Variants in FAH observed in about 807,000 individuals in gnomAD.
FAH encodes the protein fumarylacetoacetase.
FAH carries 47 observed loss-of-function variants against 55.8 expected under a neutral mutation model. That is an observed-to-expected ratio of 0.84 (90% CI 0.67 to 1.07). The LOEUF (loss-of-function observed/expected upper bound fraction) is 1.07, where lower values mean the gene tolerates loss of function less well. Among genes scored for constraint, FAH ranks in the 50% least tolerant of loss-of-function variants. The pLI, the probability that FAH is intolerant of heterozygous loss-of-function variation, is 0.00. For missense variants in FAH, 495 were observed against 545.9 expected (o/e 0.91, Z 0.93); for synonymous variants, 199 against 207.7 (o/e 0.96, Z 0.36).
rs111397874 is a variant in FAH, at chr15:80,166,722, C to T, written c.456-1330C>T. Among the ~76,000 whole-genome samples the T allele has an allele frequency of 7.0e-3, 1,000 of 143,240 alleles. 15 individuals are homozygous for T. The highest frequency in any genetic ancestry group is 0.024 in the African/African-American group (937 of 38,328). The allele number at this position is 143,240 out of a possible 152,430, so 94.0% of individuals were successfully genotyped here. A position where few individuals can be genotyped will look rare whatever the true frequency, so the allele number is the denominator to read the frequency against. ...CACCATCTCGGCTCACTGCAAGCTT[C>T]GCCTCCCAGGTTCACGCCATTCTCC... On this transcript the variant is annotated intron_variant, in intron 5 of 13. Coordinates refer to ENST00000561421, the MANE Select transcript of FAH (RefSeq NM_000137.4).
At chr15:80,165,711 C>CA (rs746350394) in intron 5 of FAH, among the ~76,000 whole-genome samples, 147 of 127,310 alleles carry the variant, frequency 1.2e-3, no homozygotes, top group South Asian at 4.3e-3. Flanking sequence ...CACCCCCCAC[C>CA]AAAAAAAAAA....
chr15:80,163,089 T>C (rs1350198076), intron 5 of FAH: 1 of 153,686 alleles, frequency 6.5e-6, no homozygotes, highest in East Asian at 1.9e-4. Flanking sequence ...CTCGAGTGAG[T>C]GTCTCCAGTA....
At chr15:80,169,415 T>G (rs1387943723) in intron 7 of FAH, among the ~76,000 whole-genome samples, 1 of 151,860 alleles carries the variant, frequency 6.6e-6, no homozygotes, top group Non-Finnish European at 1.5e-5. Context: ...AACCCAAAAA[T>G]AATAATTACC....
Position 80,177,595 on chromosome 15 carries a change from C to G in FAH, c.960+12C>G. 1 of 1,611,144 alleles carries G rather than the reference C, an allele frequency of 6.2e-7. No homozygotes were observed. The highest frequency in any genetic ancestry group is 1.1e-5 in the South Asian group (1 of 91,020). On this transcript the variant is annotated intron_variant, in intron 11 of 13. Transcript: ENST00000561421. ...AGTCCAATTTTAAGGTAAGCTTTGA[C>G]GCTGATCAGACTGCTTTTTAGAATT...
chr15:80,180,304 G>A (rs549410725), intron 12 of FAH, 79 bp downstream of exon 12: 14 of 1,168,378 alleles, frequency 1.2e-5, no homozygotes, highest in Non-Finnish European at 1.8e-5. Flanking sequence ...CCTCAGCTCA[G>A]CCTCGAGAAG....
At chr15:80,165,451 C>T (rs1220996735) in intron 5 of FAH, among the ~76,000 whole-genome samples, 3 of 151,584 alleles carry the variant, frequency 2.0e-5, no homozygotes, top group African/African-American at 4.9e-5. Flanking sequence ...TCACTTGAAC[C>T]TGGGAGGCGG....
At chr15:80,163,075 C>T (rs1310874400) in intron 5 of FAH, 1 of 154,102 alleles carries the variant, frequency 6.5e-6, no homozygotes, top group Non-Finnish European at 1.4e-5. Flanking sequence ...GGGCTTTACT[C>T]TCTCTCGAGT....
intron 10 of FAH, 158 bp from the exon 11 acceptor site, chr15:80,177,379 C>A: frequency 1.4e-6 from 1 of 707,640 alleles, no homozygotes; most frequent in Non-Finnish European, 2.5e-6. Flanking sequence ...AACCCTGGAC[C>A]TCCCAGCTCT....
At chr15:80,174,946 G>T (rs1245153601) in intron 9 of FAH, 70 bp from the exon 10 acceptor site, 7 of 1,358,784 alleles carry the variant, frequency 5.2e-6, no homozygotes, top group South Asian at 4.7e-5. Context: ...GGCCTGGCTG[G>T]TATGGGGGCC....
At chr15:80,167,648 C>T (rs938251800) in intron 5 of FAH, among the ~76,000 whole-genome samples, 12 of 151,562 alleles carry the variant, frequency 7.9e-5, no homozygotes, top group Non-Finnish European at 1.8e-4. Flanking sequence ...TCTTCTGCCT[C>T]AGCCTCCCGA....
intron 11 of FAH, among the ~76,000 whole-genome samples, chr15:80,179,613 G>T (rs1011854135): frequency 6.6e-6 from 1 of 152,174 alleles, no homozygotes; most frequent in African/African-American, 2.4e-5. Flanking sequence ...TCCTTGGCCT[G>T]CCCTGACATC....
At position 80,168,362 on chromosome 15, in the gene FAH, G is replaced by T. The variant is rs373558223; in HGVS notation, c.606+46G>T. ...ATTGCCATGGGATCTATAGACACCCGGCAGGAGAGCCCTTTGGGATGGCTC... is the reference window on the plus strand; with the variant it reads ...ATTGCCATGGGATCTATAGACACCCTGCAGGAGAGCCCTTTGGGATGGCTC... On this transcript the variant is annotated intron_variant, in intron 7 of 13. Transcript: ENST00000561421. 2.1e-5 allele frequency: 33 copies of T among 1,600,602 alleles called. No homozygotes were observed. The South Asian group carries it at 3.5e-4, about 17-fold the overall frequency.
chr15:80,172,543 G>A (rs1381905964), intron 8 of FAH, among the ~76,000 whole-genome samples: 1 of 151,936 alleles, frequency 6.6e-6, no homozygotes, highest in African/African-American at 2.4e-5. Context: ...ATATTCTCCC[G>A]CTGATCCCTA....
chr15:80,180,281 C>A, intron 12 of FAH, 56 bp downstream of exon 12: 2 of 1,411,292 alleles, frequency 1.4e-6, no homozygotes, highest in Non-Finnish European at 2.0e-6. Flanking sequence ...GCTCCCCACA[C>A]AGCCCCAAGG....
intron 7 of FAH, among the ~76,000 whole-genome samples, chr15:80,170,109 G>C (rs1595893769): frequency 6.6e-6 from 1 of 152,244 alleles, no homozygotes; most frequent in African/African-American, 2.4e-5. Context: ...TGATGGAAAG[G>C]AGGAGCTGAC....
intron 1 of FAH, 66 bp downstream of exon 1, chr15:80,153,201 T>TGG (rs2041068142): frequency 5.8e-6 from 7 of 1,206,548 alleles, no homozygotes; most frequent in Non-Finnish European, 8.5e-6. Flanking sequence ...TGGAGTGGAG[T>TGG]GGAGTGGAGT....
rs1299835072 is a variant in FAH, at chr15:80,186,260, C to T, written c.*51C>T. The T allele has an allele frequency of 7.0e-7, 1 of 1,436,640 alleles. No homozygotes were observed. Among genetic ancestry groups the T allele is most frequent in the Non-Finnish European group, 9.8e-7 (1 of 1,021,590 alleles). 89.0% of individuals were successfully genotyped at this position (1,436,640 alleles called of 1,614,324 possible). A position where few individuals can be genotyped will look rare whatever the true frequency, so the allele number is the denominator to read the frequency against. ...AAGGGCTCAAGCACCCCTTTCAACC[C>T]TGTGACTGGGGTCCTCCCTCGGGCT... On this transcript the variant is annotated 3_prime_UTR_variant, in exon 14 of 14. Coordinates refer to ENST00000561421, the MANE Select transcript of FAH (RefSeq NM_000137.4).
At chr15:80,168,929 G>A (rs904530671) in intron 7 of FAH, among the ~76,000 whole-genome samples, 4 of 152,088 alleles carry the variant, frequency 2.6e-5, no homozygotes, top group African/African-American at 4.8e-5. Flanking sequence ...ATTACATAAA[G>A]CATTTTTAAG....
At chr15:80,180,267 C>A in intron 12 of FAH, 42 bp downstream of exon 12, 1 of 1,505,810 alleles carries the variant, frequency 6.6e-7, no homozygotes, top group Non-Finnish European at 9.1e-7. Context: ...CGCAGAGCAT[C>A]CCTGCTCCCC....
Sources: gnomAD v4.1 joint callset for allele counts (sites outside exome capture counted in the v4.1 genomes callset) on GRCh38, gnomAD v4.1.1 for gene constraint, MANE v1.5 for transcripts, NCBI Gene and HGNC (gene_info 2026-07-23, HGNC 2026-07-21) for gene names.